Variants in RPS6KA5 observed in about 807,000 individuals in gnomAD.
The protein encoded by RPS6KA5 is ribosomal protein S6 kinase alpha-5.
A neutral mutation model predicts 85.5 loss-of-function variants in RPS6KA5; 27 were observed. That is an observed-to-expected ratio of 0.32 (90% CI 0.23 to 0.44). The LOEUF (loss-of-function observed/expected upper bound fraction) is 0.44, where lower values mean the gene tolerates loss of function less well. Ranked by LOEUF, RPS6KA5 falls within the 20% of genes least tolerant of loss-of-function variation. The pLI, the probability that RPS6KA5 is intolerant of heterozygous loss-of-function variation, is 1.00. For synonymous variants in RPS6KA5, 334 were observed against 348.2 expected (o/e 0.96, Z 0.46); for missense variants, 811 against 980.9 (o/e 0.83, Z 2.31).
At chr14:90,915,350 A>C (rs1166684030) in intron 7 of RPS6KA5, among the ~76,000 whole-genome samples, 2 of 152,162 alleles carry the variant, frequency 1.3e-5, no homozygotes, top group Non-Finnish European at 2.9e-5. Flanking sequence ...ATAGGATGTC[A>C]ATTGCGTGAT....
chr14:91,046,172 TTAGG>T (rs2042863346), intron 1 of RPS6KA5, among the ~76,000 whole-genome samples: 2 of 152,174 alleles, frequency 1.3e-5, no homozygotes, highest in Admixed American at 1.3e-4. Flanking sequence ...GGTCTCTCTC[TTAGG>T]TATTATACAA....
chr14:90,935,079 GACT>G (rs2037187812), intron 5 of RPS6KA5, among the ~76,000 whole-genome samples: 1 of 152,088 alleles, frequency 6.6e-6, no homozygotes, highest in African/African-American at 2.4e-5. Flanking sequence ...AAAAAATCAT[GACT>G]ACATGTCAGT....
Position 90,894,395 on chromosome 14 carries a change from G to C in RPS6KA5, c.1644+18C>G. On this transcript the variant is annotated intron_variant, in intron 13 of 16. Transcript: ENST00000614987. The stretch of plus-strand genomic sequence containing the variant: ...TGGTGCTAGACTGAATTACGTAAGA[G>C]ATCCAGTGATTTTATACCTCAGGTT... 1 of 1,610,688 alleles carries C rather than the reference G, an allele frequency of 6.2e-7. No homozygotes were observed. Among genetic ancestry groups the C allele is most frequent in the Non-Finnish European group, 8.5e-7 (1 of 1,177,642 alleles).
chr14:91,014,191 A>T (rs1003107807), intron 1 of RPS6KA5, among the ~76,000 whole-genome samples: 10 of 152,182 alleles, frequency 6.6e-5, no homozygotes, highest in African/African-American at 2.2e-4. Flanking sequence ...AAAAAACATG[A>T]ATGTATTTTT....
At chr14:90,946,673 G>A (rs1300470992) in intron 4 of RPS6KA5, among the ~76,000 whole-genome samples, 1 of 152,096 alleles carries the variant, frequency 6.6e-6, no homozygotes, top group Non-Finnish European at 1.5e-5. Context: ...TGATGTACCT[G>A]AATTGTCCTA....
At chr14:90,905,016 A>C (rs2035424929) in intron 8 of RPS6KA5, among the ~76,000 whole-genome samples, 1 of 152,200 alleles carries the variant, frequency 6.6e-6, no homozygotes, top group Non-Finnish European at 1.5e-5. Flanking sequence ...TCAAAGAGTA[A>C]TCCTTCCAAG....
chr14:90,848,989 G>A lies in RPS6KA5; in HGVS notation c.*23085C>T, dbSNP rs2031850337. On this transcript the variant is annotated 3_prime_UTR_variant, in exon 17 of 17. Coordinates refer to ENST00000614987, the MANE Select transcript of RPS6KA5 (RefSeq NM_004755.4). ...TGGCAAAGATCAACAAAAGAAAAGA[G>A]TCCACCGCACTCCAGCCTGGGCAAC... The A allele has an allele frequency of 6.6e-6, 1 of 151,992 alleles. No homozygotes were observed. Among genetic ancestry groups the A allele is most frequent in the Non-Finnish European group, 1.5e-5 (1 of 68,016 alleles). The allele number at this position is 151,992 out of a possible 1,614,324, so 9.4% of individuals were successfully genotyped here.
chr14:91,020,533 ACTGTGTGT>A (rs1237942229), intron 1 of RPS6KA5, among the ~76,000 whole-genome samples: 82 of 77,552 alleles, frequency 1.1e-3, no homozygotes, highest in Non-Finnish European at 1.3e-3. Context: ...CTAAGGAATG[ACTGTGTGT>A]GTGTGTGTGT....
In RPS6KA5 at chr14:90,872,303, C is replaced by T; in HGVS notation, c.2180G>A (p.Arg727Lys). The change falls in exon 17 of 17, where the codon AGA (arginine) becomes AAA (lysine). Residue 727 changes from arginine to lysine, a missense_variant. Arg to Lys is a conservative substitution (Grantham distance 26). This residue lies in a region of RPS6KA5 where 650 missense variants were observed against 793.4 expected (regional missense o/e 0.82). Coordinates refer to ENST00000614987, the MANE Select transcript of RPS6KA5 (RefSeq NM_004755.4). Reference protein sequence around the residue: ...ATFHAFNKYKREGFCLQNVDK... With the variant: ...ATFHAFNKYKKEGFCLQNVDK... ...AACATTCTGAAGGCAAAACCCCTCT[C>T]TCTTGTATTTGTTAAAGGCCTGGCG... 2 of 1,612,006 alleles carry T rather than the reference C, an allele frequency of 1.2e-6. No individual in the cohort carries two copies. Among genetic ancestry groups the T allele is most frequent in the Non-Finnish European group, 1.7e-6 (2 of 1,179,514 alleles).
intron 8 of RPS6KA5, among the ~76,000 whole-genome samples, chr14:90,904,897 G>T (rs1226716693): frequency 1.3e-5 from 2 of 152,156 alleles, no homozygotes; most frequent in African/African-American, 4.8e-5. Flanking sequence ...GAGCAATGGA[G>T]AAAAAGATCC....
chr14:90,907,384 C>G (rs1436858318), intron 7 of RPS6KA5, among the ~76,000 whole-genome samples: 1 of 152,142 alleles, frequency 6.6e-6, no homozygotes, highest in Non-Finnish European at 1.5e-5. Flanking sequence ...GTTTTCTCAC[C>G]TGTAAAATGG....
At chr14:90,929,702 T>A (rs936431838) in intron 5 of RPS6KA5, among the ~76,000 whole-genome samples, 1 of 152,172 alleles carries the variant, frequency 6.6e-6, no homozygotes, top group African/African-American at 2.4e-5. Context: ...AATTAATTTA[T>A]ATATTCGATT....
At chr14:90,937,252 A>G (rs1200253402) in intron 5 of RPS6KA5, among the ~76,000 whole-genome samples, 1 of 152,100 alleles carries the variant, frequency 6.6e-6, no homozygotes, top group East Asian at 1.9e-4. Flanking sequence ...CATTGGCAAG[A>G]ACAGCCTCAG....
intron 1 of RPS6KA5, among the ~76,000 whole-genome samples, chr14:91,033,336 C>T (rs542867885): frequency 7.9e-5 from 12 of 152,154 alleles, no homozygotes; most frequent in East Asian, 3.9e-4. Context: ...ACTGTTGGGC[C>T]GGGCACTGTG....
rs1034445817 is a variant in RPS6KA5, at chr14:90,863,009, A to G, written c.*9065T>C. ...TATGATATCTATAAAAAAATTAAAT[A>G]AAACATAATATTGGGCTGGGTGAGG... On this transcript the variant is annotated 3_prime_UTR_variant, in exon 17 of 17. Coordinates refer to ENST00000614987, the MANE Select transcript of RPS6KA5 (RefSeq NM_004755.4). 1 of 152,184 alleles carries G rather than the reference A, an allele frequency of 6.6e-6. No individual in the cohort carries two copies. The highest frequency in any genetic ancestry group is 1.5e-5 in the Non-Finnish European group (1 of 68,024). The allele number at this position is 152,184 out of a possible 1,614,324, so 9.4% of individuals were successfully genotyped here. A position where few individuals can be genotyped will look rare whatever the true frequency, so the allele number is the denominator to read the frequency against.
At chr14:90,936,993 G>A (rs1180747505) in intron 5 of RPS6KA5, among the ~76,000 whole-genome samples, 7 of 151,980 alleles carry the variant, frequency 4.6e-5, no homozygotes, top group African/African-American at 7.2e-5. Context: ...GAGAAGGTTG[G>A]CCAAGAGAAG....
chr14:91,000,097 C>T (rs1365236472), intron 2 of RPS6KA5, among the ~76,000 whole-genome samples: 6 of 152,288 alleles, frequency 3.9e-5, no homozygotes, highest in South Asian at 2.1e-4. Flanking sequence ...TAAGCCACCA[C>T]GCCCGGGCAC....
intron 3 of RPS6KA5, among the ~76,000 whole-genome samples, chr14:90,961,647 A>G (rs2140421387): frequency 6.6e-6 from 1 of 152,206 alleles, no homozygotes; most frequent in African/African-American, 2.4e-5. Flanking sequence ...AAAAGTAGAC[A>G]TTCTATGTCT....
At chr14:90,880,062 G>A (rs1272922389) in intron 14 of RPS6KA5, among the ~76,000 whole-genome samples, 1 of 152,030 alleles carries the variant, frequency 6.6e-6, no homozygotes, top group Non-Finnish European at 1.5e-5. Context: ...GCCTCCCAAA[G>A]GGCTGGGATT....
Sources: allele counts gnomAD v4.1 joint callset (sites outside exome capture counted in the v4.1 genomes callset), GRCh38; gene constraint gnomAD v4.1.1; regional missense constraint gnomAD v4.1.1; transcripts MANE v1.5; gene names NCBI Gene and HGNC (gene_info 2026-07-23, HGNC 2026-07-21).